SPSB4: variants seen among roughly 807,000 people sequenced by gnomAD.
SPSB4 encodes splA/ryanodine receptor domain and SOCS box containing 4.
Under a neutral mutation model 20.9 loss-of-function variants are expected in SPSB4, and 21 were observed. The observed-to-expected ratio is 1.01, with a 90% CI of 0.71 to 1.45. The LOEUF is 1.45. Among genes scored for constraint, SPSB4 ranks in the 40% most tolerant of loss-of-function variants. SPSB4 has a pLI of 0.00. For synonymous variants in SPSB4, 207 were observed against 183.8 expected (o/e 1.13, Z -1.02); for missense variants, 399 against 399.2 (o/e 1.00, Z 0.00).
At chr3:141,128,141 G>A (rs557380330) in intron 2 of SPSB4, among the ~76,000 whole-genome samples, 51 of 152,338 alleles carry the variant, frequency 3.3e-4, no homozygotes, top group African/African-American at 1.2e-3. Context: ...GGGGAAGGGG[G>A]TGGAGTGTGG....
intron 2 of SPSB4, among the ~76,000 whole-genome samples, chr3:141,142,684 G>A (rs1939350293): frequency 6.6e-6 from 1 of 150,590 alleles, no homozygotes; most frequent in Non-Finnish European, 1.5e-5. Context: ...CATTTCTTAT[G>A]TCTAGTCATA....
At chr3:141,139,335 A>G (rs1939282862) in intron 2 of SPSB4, among the ~76,000 whole-genome samples, 1 of 152,084 alleles carries the variant, frequency 6.6e-6, no homozygotes, top group Non-Finnish European at 1.5e-5. Flanking sequence ...GCCCATTTAC[A>G]TTTAAGATTA....
intron 2 of SPSB4, among the ~76,000 whole-genome samples, chr3:141,123,072 T>C (rs538982608): frequency 3.4e-4 from 52 of 152,366 alleles, no homozygotes; most frequent in Middle Eastern, 3.4e-3. Context: ...TTGGCCATCT[T>C]GGAAGCCAGA....
At chr3:141,135,296 A>G (rs1205041900) in intron 2 of SPSB4, among the ~76,000 whole-genome samples, 2 of 151,670 alleles carry the variant, frequency 1.3e-5, no homozygotes, top group Non-Finnish European at 2.9e-5. Context: ...TAATTTATTT[A>G]TCTACTCTCT....
intron 2 of SPSB4, chr3:141,115,445 T>C (rs1214370479): frequency 1.3e-5 from 2 of 152,178 alleles, no homozygotes; most frequent in Non-Finnish European, 2.9e-5. Context: ...AAAACCTGAA[T>C]TTTGGAGTTT....
intron 2 of SPSB4, among the ~76,000 whole-genome samples, chr3:141,076,100 C>A (rs1938104610): frequency 6.6e-6 from 1 of 152,128 alleles, no homozygotes; most frequent in African/African-American, 2.4e-5. Context: ...AATGCGTATT[C>A]CTCTGTGCCT....
intron 2 of SPSB4, among the ~76,000 whole-genome samples, chr3:141,071,401 C>A (rs1171696894): frequency 5.3e-5 from 8 of 152,106 alleles, no homozygotes; most frequent in African/African-American, 4.8e-5. Context: ...GGGTCCCTGG[C>A]AGCTTTGATT....
intron 2 of SPSB4, among the ~76,000 whole-genome samples, chr3:141,136,181 G>A (rs1237009695): frequency 1.3e-5 from 2 of 152,094 alleles, no homozygotes; most frequent in African/African-American, 2.4e-5. Context: ...CCCACTTTTT[G>A]AAGGGTTTGT....
chr3:141,142,973 C>T (rs868179849), intron 2 of SPSB4, among the ~76,000 whole-genome samples: 101 of 151,808 alleles, frequency 6.7e-4, no homozygotes, highest in Middle Eastern at 6.8e-3. Flanking sequence ...CCCGCCACCA[C>T]GCCCAGCTAA....
chr3:141,136,863 C>G (rs1187478629), intron 2 of SPSB4, among the ~76,000 whole-genome samples: 2 of 152,100 alleles, frequency 1.3e-5, no homozygotes, highest in Admixed American at 1.3e-4. Context: ...GTAGTTTTTT[C>G]CAATTCTGTG....
At chr3:141,106,687 G>A (rs943210214) in intron 2 of SPSB4, among the ~76,000 whole-genome samples, 1 of 151,810 alleles carries the variant, frequency 6.6e-6, no homozygotes, top group East Asian at 1.9e-4. Flanking sequence ...AGCCTCACCT[G>A]TAATCCCAGG....
intron 2 of SPSB4, among the ~76,000 whole-genome samples, chr3:141,086,173 TTG>T (rs1938334349): frequency 6.6e-6 from 1 of 152,224 alleles, no homozygotes; most frequent in African/African-American, 2.4e-5. Flanking sequence ...GCATTGTCTT[TTG>T]GTTTAATTTC....
chr3:141,080,246 T>G (rs1009140722), intron 2 of SPSB4: 5 of 152,206 alleles, frequency 3.3e-5, no homozygotes, highest in Non-Finnish European at 7.3e-5. Flanking sequence ...GTAGAGCTGA[T>G]TTGAACCTCC....
intron 2 of SPSB4, among the ~76,000 whole-genome samples, chr3:141,068,214 G>A (rs554494062): frequency 1.3e-5 from 2 of 152,332 alleles, no homozygotes; most frequent in East Asian, 3.9e-4. Context: ...CATAATTGTC[G>A]ACATTCTTGC....
intron 2 of SPSB4, among the ~76,000 whole-genome samples, chr3:141,096,848 A>G (rs938104649): frequency 1.3e-5 from 2 of 152,158 alleles, no homozygotes; most frequent in Non-Finnish European, 2.9e-5. Flanking sequence ...ATATGTCTCA[A>G]ACATTTTTTA....
chr3:141,069,174 T>G lies in SPSB4; in HGVS notation c.694+2376T>G, dbSNP rs1195577213. Among the ~76,000 whole-genome samples, 5 of 152,168 alleles carry G rather than the reference T, an allele frequency of 3.3e-5. No individual in the cohort carries two copies. In the East Asian group the frequency reaches 9.6e-4, roughly 29 times the overall value. On this transcript the variant is annotated intron_variant, in intron 2 of 2. Coordinates refer to ENST00000310546, the MANE Select transcript of SPSB4 (RefSeq NM_080862.3). ...CTAGGTAGGGGTAATGTTCTGTATCTCAGACAGGGGTGTGACTGCAGAAAA... is the reference window on the plus strand; with the variant it reads ...CTAGGTAGGGGTAATGTTCTGTATCGCAGACAGGGGTGTGACTGCAGAAAA...
At chr3:141,104,588 G>T (rs756489406) in intron 2 of SPSB4, among the ~76,000 whole-genome samples, 1 of 152,172 alleles carries the variant, frequency 6.6e-6, no homozygotes, top group Non-Finnish European at 1.5e-5. Context: ...GGAATGAAAG[G>T]CTGCCAGACC....
At position 141,051,573 on chromosome 3, in the gene SPSB4, G is replaced by A. The variant is rs1251250413; in HGVS notation, c.-573G>A. ...CGCTGCGTGCGCTCAGGGCGCTGGG[G>A]AAGACGCCCGGCGCGCCGGGGGCCA... On this transcript the variant is annotated 5_prime_UTR_variant, in exon 1 of 3. Coordinates refer to ENST00000310546, the MANE Select transcript of SPSB4 (RefSeq NM_080862.3). 1.3e-5 allele frequency: 2 copies of A among 148,608 alleles called. No homozygotes were observed. The highest frequency in any genetic ancestry group is 4.9e-5 in the African/African-American group (2 of 40,768). 9.2% of individuals were successfully genotyped at this position (148,608 alleles called of 1,614,324 possible).
At chr3:141,060,214 G>A (rs1344462863) in intron 1 of SPSB4, among the ~76,000 whole-genome samples, 4 of 152,210 alleles carry the variant, frequency 2.6e-5, no homozygotes, top group Non-Finnish European at 2.9e-5. Flanking sequence ...TATGGGCCAA[G>A]CCAAGTACTA....
Sources: allele counts gnomAD v4.1 joint callset (sites outside exome capture counted in the v4.1 genomes callset), GRCh38; gene constraint gnomAD v4.1.1; transcripts MANE v1.5; gene names NCBI Gene and HGNC (gene_info 2026-07-23, HGNC 2026-07-21).